RTF1: variants seen among roughly 807,000 people sequenced by gnomAD.
The protein encoded by RTF1 is RNA polymerase-associated protein RTF1 homolog.
Under a neutral mutation model 95.7 loss-of-function variants are expected in RTF1, and 10 were observed. The ratio of observed to expected loss-of-function variants is 0.10; its 90% CI spans 0.06 to 0.18. The LOEUF is 0.18. Ranked by LOEUF, RTF1 falls within the 10% of genes least tolerant of loss-of-function variation. The pLI, the probability that RTF1 is intolerant of heterozygous loss-of-function variation, is 1.00. For synonymous variants in RTF1, 305 were observed against 311.8 expected (o/e 0.98, Z 0.23); for missense variants, 458 against 875.6 (o/e 0.52, Z 6.02).
At position 41,419,911 on chromosome 15, in the gene RTF1, C is replaced by T. The variant is rs150136761; in HGVS notation, c.198+2598C>T. On this transcript the variant is annotated intron_variant, in intron 1 of 17. Coordinates refer to ENST00000389629, the MANE Select transcript of RTF1 (RefSeq NM_015138.5). Reference sequence around the variant, plus strand: ...CTCAACTCACTGCAACCTCCGCCCACTGGGTTCAAGCGATTCTCCTGCTTC... The same window carrying T: ...CTCAACTCACTGCAACCTCCGCCCATTGGGTTCAAGCGATTCTCCTGCTTC... Among the ~76,000 whole-genome samples the T allele has an allele frequency of 7.5e-3, 1,147 of 152,258 alleles. 20 individuals are homozygous for T. The highest frequency in any genetic ancestry group is 0.026 in the African/African-American group (1,084 of 41,560).
intron 11 of RTF1, 146 bp from the exon 12 acceptor site, chr15:41,476,300 G>GCT (rs143834672): frequency 3.8e-4 from 235 of 619,728 alleles, no homozygotes; most frequent in Middle Eastern, 7.7e-4. Flanking sequence ...GAATGAACCC[G>GCT]CTCTCTCTCT....
At chr15:41,451,625 T>C (rs1047527764) in intron 2 of RTF1, among the ~76,000 whole-genome samples, 2 of 152,214 alleles carry the variant, frequency 1.3e-5, no homozygotes, top group African/African-American at 4.8e-5. Context: ...TATTTAATGA[T>C]GTACTTTACT....
At chr15:41,474,820 C>G (rs566335789) in intron 9 of RTF1, 118 bp downstream of exon 9, 2 of 763,984 alleles carry the variant, frequency 2.6e-6, no homozygotes, top group African/African-American at 3.4e-5. Flanking sequence ...ATGCAATCCC[C>G]ACAAGGTACA....
At chr15:41,433,943 TCAAG>T (rs1433919995) in intron 1 of RTF1, among the ~76,000 whole-genome samples, 1 of 151,440 alleles carries the variant, frequency 6.6e-6, no homozygotes, top group African/African-American at 2.4e-5. Context: ...CCTCCCAGGT[TCAAG>T]CAATTCTTCT....
chr15:41,466,840 G>A (rs910059780), intron 6 of RTF1, among the ~76,000 whole-genome samples: 3 of 152,138 alleles, frequency 2.0e-5, no homozygotes, highest in South Asian at 2.1e-4. Context: ...TTGTCTTCTG[G>A]TTTCTCACAT....
At chr15:41,478,034 A>T (rs2050950831) in intron 14 of RTF1, among the ~76,000 whole-genome samples, 1 of 152,146 alleles carries the variant, frequency 6.6e-6, no homozygotes, top group Non-Finnish European at 1.5e-5. Flanking sequence ...TGAACCTGGG[A>T]TGTGGAGATT....
intron 3 of RTF1, among the ~76,000 whole-genome samples, chr15:41,456,086 G>C (rs993372051): frequency 2.0e-5 from 3 of 151,008 alleles, no homozygotes; most frequent in Non-Finnish European, 4.4e-5. Flanking sequence ...TGTGCCTGTA[G>C]TCCCTGTTAC....
intron 1 of RTF1, among the ~76,000 whole-genome samples, chr15:41,433,122 C>T (rs2050683905): frequency 1.3e-5 from 2 of 151,726 alleles, no homozygotes; most frequent in South Asian, 4.2e-4. Flanking sequence ...GTGGCGTGCA[C>T]CTATAGTCCC....
At chr15:41,470,939 C>G (rs1321658128) in intron 7 of RTF1, among the ~76,000 whole-genome samples, 1 of 152,000 alleles carries the variant, frequency 6.6e-6, no homozygotes, top group Non-Finnish European at 1.5e-5. Context: ...ATTACAGGCT[C>G]ATTCATTTTC....
chr15:41,478,785 A>C (rs1007575542), intron 15 of RTF1, 160 bp downstream of exon 15: 4 of 654,352 alleles, frequency 6.1e-6, no homozygotes, highest in East Asian at 5.4e-5. Flanking sequence ...TTATCTTGCT[A>C]TAGGACATAT....
At chr15:41,423,283 CTTTAA>C (rs2050611722) in intron 1 of RTF1, among the ~76,000 whole-genome samples, 1 of 152,140 alleles carries the variant, frequency 6.6e-6, no homozygotes, top group South Asian at 2.1e-4. Flanking sequence ...TTTGTGAAAA[CTTTAA>C]TTTGTGTCAT....
intron 3 of RTF1, among the ~76,000 whole-genome samples, chr15:41,456,429 C>T (rs535539372): frequency 4.4e-4 from 67 of 150,752 alleles, no homozygotes; most frequent in African/African-American, 1.5e-3. Flanking sequence ...GCGGAGCTTG[C>T]GCTGAGTCGA....
rs542886457 is a variant in RTF1 at position 41,453,270 on chromosome 15, T to C, written c.457+222T>C. Among the ~76,000 whole-genome samples, 3 of 152,296 alleles carry C rather than the reference T, an allele frequency of 2.0e-5. No homozygotes were observed. The South Asian group carries it at 6.2e-4, about 32-fold the overall frequency. Reference sequence around the variant, plus strand: ...AGGTTGGTGAGACCCCTGAAACCTATCCCTGGAACCCACGAGGATTCCTGC... The same window carrying C: ...AGGTTGGTGAGACCCCTGAAACCTACCCCTGGAACCCACGAGGATTCCTGC... On this transcript the variant is annotated intron_variant, in intron 3 of 17. Coordinates refer to ENST00000389629, the MANE Select transcript of RTF1 (RefSeq NM_015138.5).
At chr15:41,457,135 C>T (rs895385277) in intron 3 of RTF1, among the ~76,000 whole-genome samples, 6 of 152,006 alleles carry the variant, frequency 3.9e-5, no homozygotes, top group South Asian at 2.1e-4. Flanking sequence ...CTTACACAGG[C>T]GTAAGCCTGT....
intron 2 of RTF1, among the ~76,000 whole-genome samples, chr15:41,451,381 CTAAA>C (rs1281878179): frequency 1.3e-5 from 2 of 152,116 alleles, no homozygotes; most frequent in African/African-American, 2.4e-5. Flanking sequence ...TTTAATGTAA[CTAAA>C]TAGTCTGCAA....
At chr15:41,426,417 T>C (rs1478795093) in intron 1 of RTF1, among the ~76,000 whole-genome samples, 1 of 152,002 alleles carries the variant, frequency 6.6e-6, no homozygotes, top group Non-Finnish European at 1.5e-5. Context: ...GCGATTCTTC[T>C]GCCTCAGCCT....
chr15:41,476,044 A>G (rs1315867952), intron 11 of RTF1, among the ~76,000 whole-genome samples: 1 of 152,238 alleles, frequency 6.6e-6, no homozygotes, highest in East Asian at 1.9e-4. Context: ...AGTTCAGATG[A>G]GACAACAAAT....
chr15:41,466,737 T>C (rs1225098738), intron 6 of RTF1, among the ~76,000 whole-genome samples: 1 of 152,270 alleles, frequency 6.6e-6, no homozygotes, highest in Non-Finnish European at 1.5e-5. Flanking sequence ...TTGTGATCTG[T>C]TAATACGTCC....
intron 1 of RTF1, among the ~76,000 whole-genome samples, chr15:41,432,228 C>G (rs897027510): frequency 1.4e-5 from 2 of 147,366 alleles, no homozygotes. Context: ...GAGTCTTGCT[C>G]TGTCACTCAG....
Sources: allele counts gnomAD v4.1 joint callset (sites outside exome capture counted in the v4.1 genomes callset), GRCh38; gene constraint gnomAD v4.1.1; transcripts MANE v1.5; gene names NCBI Gene and HGNC (gene_info 2026-07-23, HGNC 2026-07-21).